The following STRN variants were observed in gnomAD, a reference collection of about 807,000 sequenced individuals.
STRN encodes striatin.
Under a neutral mutation model 96.3 loss-of-function variants are expected in STRN, and 53 were observed. The observed-to-expected ratio is 0.55, with a 90% CI of 0.44 to 0.69. The LOEUF (loss-of-function observed/expected upper bound fraction) is 0.69. Ranked by LOEUF, STRN falls within the 30% of genes least tolerant of loss-of-function variation. The probability of loss-of-function intolerance (pLI) is 0.00; values close to 1 mark genes in which losing one functional copy is unlikely to be tolerated. For synonymous variants in STRN, 428 were observed against 355.9 expected (o/e 1.20, Z -2.28); for missense variants, 987 against 963.9 (o/e 1.02, Z -0.32).
chr2:36,899,869 T>A (rs959673672), intron 5 of STRN, among the ~76,000 whole-genome samples: 1 of 152,094 alleles, frequency 6.6e-6, no homozygotes, highest in African/African-American at 2.4e-5. Context: ...ATCCTATCTA[T>A]CTACTTGCCT....
chr2:36,887,974 G>A (rs1015995028), intron 7 of STRN, among the ~76,000 whole-genome samples: 1 of 152,090 alleles, frequency 6.6e-6, no homozygotes, highest in African/African-American at 2.4e-5. Flanking sequence ...AAGTCTAACA[G>A]ATACCTCCAA....
At chr2:36,887,392 C>A (rs1463573966) in intron 7 of STRN, among the ~76,000 whole-genome samples, 4 of 151,834 alleles carry the variant, frequency 2.6e-5, no homozygotes, top group Non-Finnish European at 4.4e-5. Flanking sequence ...CTCGCCTGAA[C>A]CCGGGAGGCG....
In STRN at chr2:36,930,511, A is replaced by C. The variant is rs1278874417; in HGVS notation, c.235-5303T>G. 4.6e-5 allele frequency among the ~76,000 whole-genome samples: 7 copies of C among 152,064 alleles called. No individual in the cohort carries two copies. In the East Asian group the frequency reaches 1.3e-3, roughly 29 times the overall value. ...AATCACCCAGATGACTTGTTAAAAC[A>C]CAATTTTTTAGGTTCTACCCTCAGA... On this transcript the variant is annotated intron_variant, in intron 1 of 17. Transcript: ENST00000263918.
chr2:36,844,125 AAAG>A lies in STRN; in HGVS notation c.*5328_*5330del, dbSNP rs1257146725. The A allele has an allele frequency of 1.3e-5, 2 of 152,106 alleles. No individual in the cohort carries two copies. Among genetic ancestry groups the A allele is most frequent in the African/African-American group, 4.8e-5 (2 of 41,412 alleles). 9.4% of individuals were successfully genotyped at this position (152,106 alleles called of 1,614,324 possible). On this transcript the variant is annotated 3_prime_UTR_variant, in exon 18 of 18. Transcript: ENST00000263918. The stretch of plus-strand genomic sequence containing the variant: ...AGTAACCAGCAGATTTCAATATTAA[AAAG>A]AAGTGGTTCCTCCTAAAAAAGGTAT...
At chr2:36,929,244 A>C (rs1374104464) in intron 1 of STRN, among the ~76,000 whole-genome samples, 3 of 152,172 alleles carry the variant, frequency 2.0e-5, no homozygotes, top group Non-Finnish European at 4.4e-5. Flanking sequence ...TTTTTGTATT[A>C]TTTTCAATTC....
At chr2:36,870,229 C>T (rs1481634976) in intron 10 of STRN, among the ~76,000 whole-genome samples, 1 of 115,492 alleles carries the variant, frequency 8.7e-6, no homozygotes, top group African/African-American at 3.0e-5. Flanking sequence ...AGAGATAACA[C>T]AAAGAATGCA....
chr2:36,864,497 G>T (rs1232375809), intron 12 of STRN, among the ~76,000 whole-genome samples: 1 of 152,148 alleles, frequency 6.6e-6, no homozygotes, highest in Non-Finnish European at 1.5e-5. Flanking sequence ...GCAACCCAGG[G>T]ATAAAGCCTG....
At chr2:36,906,819 G>A (rs185949145) in intron 3 of STRN, among the ~76,000 whole-genome samples, 17 of 152,072 alleles carry the variant, frequency 1.1e-4, no homozygotes, top group African/African-American at 3.9e-4. Flanking sequence ...TACTCGGGAG[G>A]CTGAGGCAGG....
intron 3 of STRN, among the ~76,000 whole-genome samples, chr2:36,909,308 A>C (rs964513451): frequency 2.0e-5 from 3 of 152,148 alleles, no homozygotes; most frequent in Admixed American, 6.5e-5. Context: ...GTCAAGTTCA[A>C]AAAGTGACAT....
Position 36,965,908 on chromosome 2 carries a change from T to C in STRN, c.234+322A>G, listed in dbSNP as rs145208570. Among the ~76,000 whole-genome samples, 668 of 152,088 alleles carry C rather than the reference T, an allele frequency of 4.4e-3. 4 individuals are homozygous for C. The highest frequency in any genetic ancestry group is 0.014 in the Middle Eastern group (4 of 294). On this transcript the variant is annotated intron_variant, in intron 1 of 17. Coordinates refer to ENST00000263918, the MANE Select transcript of STRN (RefSeq NM_003162.4). ...TCTCTCAAAACTACTGCCAGCCCAA[T>C]TAGTAAACCGAGAGGGCAGCCCTGA...
chr2:36,932,097 T>A lies in STRN; in HGVS notation c.235-6889A>T, dbSNP rs187697192. Among the ~76,000 whole-genome samples the A allele has an allele frequency of 5.6e-3, 844 of 151,916 alleles. 6 individuals are homozygous for A. Among genetic ancestry groups the A allele is most frequent in the African/African-American group, 0.02 (809 of 41,424 alleles). On this transcript the variant is annotated intron_variant, in intron 1 of 17. Transcript: ENST00000263918. ...GGCCTCCCAAAGTGCTGGAAATACA[T>A]GCATAAGCCACTGCACCAAGCCTAA... is the stretch of plus-strand genomic sequence containing the variant.
rs565551624 is a variant in STRN, at chr2:36,926,106, C to T, written c.235-898G>A. The stretch of plus-strand genomic sequence containing the variant: ...GAAAAGGAAAATTAGAGACAATGGC[C>T]TTCTGCCCATTCCTGCCCCCCACCC... On this transcript the variant is annotated intron_variant, in intron 1 of 17. Coordinates refer to ENST00000263918, the MANE Select transcript of STRN (RefSeq NM_003162.4). Among the ~76,000 whole-genome samples the T allele has an allele frequency of 3.7e-4, 56 of 152,228 alleles. 1 individual carries two copies. In the South Asian group the frequency reaches 0.012, roughly 32 times the overall value.
intron 1 of STRN, among the ~76,000 whole-genome samples, chr2:36,945,282 G>A (rs1046509072): frequency 6.6e-6 from 1 of 152,186 alleles, no homozygotes; most frequent in Non-Finnish European, 1.5e-5. Flanking sequence ...GAGGGACCAT[G>A]TGCAGACCAA....
chr2:36,852,744 G>A (rs907380724), intron 15 of STRN, among the ~76,000 whole-genome samples: 2 of 152,120 alleles, frequency 1.3e-5, no homozygotes, highest in African/African-American at 4.8e-5. Context: ...AGAAAATACA[G>A]CTAAAAATAG....
intron 16 of STRN, 73 bp from the exon 17 acceptor site, chr2:36,849,873 T>C (rs1668176840): frequency 2.1e-6 from 3 of 1,400,582 alleles, no homozygotes; most frequent in Non-Finnish European, 3.0e-6. Context: ...TACCATGTCC[T>C]GCTGGTTTCT....
chr2:36,851,072 T>TA lies in STRN; in HGVS notation c.2013_2014insT (p.Ser672Ter). ...ATGCTGATCGGAAGAGTAGGATGAC[T>TA]GATGACTCTATTTATTTGGCAGGAA... On this transcript the variant is annotated frameshift_variant, in exon 16 of 18. Coordinates refer to ENST00000263918, the MANE Select transcript of STRN (RefSeq NM_003162.4). LOFTEE classifies it high-confidence loss of function. 6.2e-7 allele frequency: 1 copy of TA among 1,613,844 alleles called. No homozygotes were observed. The highest frequency in any genetic ancestry group is 8.5e-7 in the Non-Finnish European group (1 of 1,179,852).
chr2:36,959,062 G>A (rs549814930), intron 1 of STRN, among the ~76,000 whole-genome samples: 1 of 152,174 alleles, frequency 6.6e-6, no homozygotes, highest in Non-Finnish European at 1.5e-5. Context: ...GTTGCAGTGA[G>A]CCGAGATTGT....
intron 1 of STRN, among the ~76,000 whole-genome samples, chr2:36,947,020 T>C (rs1414565940): frequency 2.6e-5 from 4 of 152,170 alleles, no homozygotes; most frequent in African/African-American, 7.2e-5. Flanking sequence ...CTGAGCCTCC[T>C]GAGTAGCAGG....
At chr2:36,889,969 C>T (rs975155051) in intron 7 of STRN, among the ~76,000 whole-genome samples, 1 of 152,154 alleles carries the variant, frequency 6.6e-6, no homozygotes, top group Non-Finnish European at 1.5e-5. Context: ...ATGACTCACA[C>T]GTTAAAGTAA....
Sources: gnomAD v4.1 joint callset for allele counts (sites outside exome capture counted in the v4.1 genomes callset) on GRCh38, gnomAD v4.1.1 for gene constraint, MANE v1.5 for transcripts, NCBI Gene and HGNC (gene_info 2026-07-23, HGNC 2026-07-21) for gene names.